SYT1: variants seen among roughly 807,000 people sequenced by gnomAD.
SYT1 encodes the protein synaptotagmin-1.
SYT1 carries 8 observed loss-of-function variants against 44.8 expected under a neutral mutation model. That is an observed-to-expected ratio of 0.18 (90% CI 0.10 to 0.32). The LOEUF (loss-of-function observed/expected upper bound fraction) is 0.32. Among genes scored for constraint, SYT1 ranks in the 10% least tolerant of loss-of-function variants. SYT1 has a pLI of 1.00. For missense variants in SYT1, 286 were observed against 509.3 expected, an observed-to-expected ratio of 0.56 and a Z score of 4.22; for synonymous variants, 154 against 188.8, an observed-to-expected ratio of 0.82 and a Z score of 1.51.
intron 1 of SYT1, among the ~76,000 whole-genome samples, chr12:78,968,199 T>C (rs1868293557): frequency 6.6e-6 from 1 of 152,132 alleles, no homozygotes; most frequent in African/African-American, 2.4e-5. Flanking sequence ...AACATACTTG[T>C]GAACCAGTAG....
chr12:79,025,231 G>GA (rs1397234575), intron 2 of SYT1, among the ~76,000 whole-genome samples: 1 of 151,682 alleles, frequency 6.6e-6, no homozygotes, highest in African/African-American at 2.4e-5. Flanking sequence ...CTGGAGGCAA[G>GA]AAAAAAATTA....
chr12:79,161,075 A>T (rs927178810), intron 3 of SYT1, among the ~76,000 whole-genome samples: 2 of 152,020 alleles, frequency 1.3e-5, no homozygotes, highest in Non-Finnish European at 2.9e-5. Flanking sequence ...TCTATTTTTT[A>T]AAAAACACAA....
intron 9 of SYT1, among the ~76,000 whole-genome samples, chr12:79,383,845 A>G (rs1447767085): frequency 6.6e-6 from 1 of 152,182 alleles, no homozygotes; most frequent in Non-Finnish European, 1.5e-5. Context: ...TATTATTTTG[A>G]TGAGCTAACA....
At chr12:79,013,218 G>A (rs1871536823) in intron 2 of SYT1, among the ~76,000 whole-genome samples, 1 of 151,654 alleles carries the variant, frequency 6.6e-6, no homozygotes, top group Non-Finnish European at 1.5e-5. Context: ...TAGACTGAAT[G>A]CAGGGATTGT....
chr12:79,008,115 G>C (rs1871205330), intron 2 of SYT1, among the ~76,000 whole-genome samples: 1 of 152,086 alleles, frequency 6.6e-6, no homozygotes, highest in African/African-American at 2.4e-5. Context: ...TGACTTGGGA[G>C]TAGAAGGTCC....
intron 2 of SYT1, among the ~76,000 whole-genome samples, chr12:79,043,143 C>T (rs1159325815): frequency 2.1e-4 from 32 of 150,654 alleles, no homozygotes; most frequent in South Asian, 8.5e-4. Flanking sequence ...CTATTAGGTC[C>T]GCTTGGTGCA....
At chr12:79,121,176 C>A (rs1879582657) in intron 3 of SYT1, among the ~76,000 whole-genome samples, 1 of 151,976 alleles carries the variant, frequency 6.6e-6, no homozygotes, top group South Asian at 2.1e-4. Flanking sequence ...TCTCCTCTGG[C>A]AAACCCATTT....
chr12:79,210,767 A>G (rs1387786464), intron 3 of SYT1, among the ~76,000 whole-genome samples: 1 of 152,206 alleles, frequency 6.6e-6, no homozygotes, highest in Non-Finnish European at 1.5e-5. Context: ...GGTACCCAGT[A>G]ATGAGATTGC....
chr12:79,267,495 A>G (rs557748462), intron 4 of SYT1, among the ~76,000 whole-genome samples: 3 of 152,326 alleles, frequency 2.0e-5, no homozygotes, highest in East Asian at 1.9e-4. Flanking sequence ...AAAGTTGAAA[A>G]GAAAGTTAGC....
intron 1 of SYT1, among the ~76,000 whole-genome samples, chr12:78,894,630 A>G (rs1875254084): frequency 6.6e-6 from 1 of 151,636 alleles, no homozygotes; most frequent in Non-Finnish European, 1.5e-5. Flanking sequence ...ACTCATTATG[A>G]GCTAGTTCTT....
chr12:79,320,056 C>T (rs910868683), intron 8 of SYT1, among the ~76,000 whole-genome samples: 1 of 152,010 alleles, frequency 6.6e-6, no homozygotes, highest in Non-Finnish European at 1.5e-5. Context: ...TTTTCTAAGC[C>T]CTTGTGTTTC....
At chr12:79,164,907 A>G (rs967707354) in intron 3 of SYT1, among the ~76,000 whole-genome samples, 1 of 152,062 alleles carries the variant, frequency 6.6e-6, no homozygotes, top group Non-Finnish European at 1.5e-5. Flanking sequence ...ACTTTGATAT[A>G]AAGTAAAAGG....
chr12:78,983,352 C>G (rs749349164), intron 2 of SYT1, among the ~76,000 whole-genome samples: 13 of 151,974 alleles, frequency 8.6e-5, no homozygotes, highest in Non-Finnish European at 1.6e-4. Context: ...ACCTCACAGC[C>G]CAGGCCTCAA....
intron 1 of SYT1, among the ~76,000 whole-genome samples, chr12:78,930,026 G>A (rs894830005): frequency 6.6e-6 from 1 of 152,056 alleles, no homozygotes; most frequent in African/African-American, 2.4e-5. Flanking sequence ...GAAGAGTTAT[G>A]GAGAAAGAGG....
intron 4 of SYT1, among the ~76,000 whole-genome samples, chr12:79,274,182 G>C (rs1222434481): frequency 2.0e-5 from 3 of 152,248 alleles, no homozygotes; most frequent in Admixed American, 2.0e-4. Flanking sequence ...AGCACAAGTG[G>C]GAAGTGTGCT....
At chr12:79,092,830 T>G (rs1877871129) in intron 3 of SYT1, among the ~76,000 whole-genome samples, 1 of 151,734 alleles carries the variant, frequency 6.6e-6, no homozygotes, top group African/African-American at 2.4e-5. Context: ...AAAACCACTG[T>G]CTGTCAATGA....
chr12:78,876,844 A>ACATG, intron 1 of SYT1, among the ~76,000 whole-genome samples: 1 of 71,682 alleles, frequency 1.4e-5, no homozygotes, highest in East Asian at 4.1e-4. Context: ...TATATATAAT[A>ACATG]TATATTATAT....
At chr12:78,874,433 T>A (rs1873964317) in intron 1 of SYT1, among the ~76,000 whole-genome samples, 1 of 151,490 alleles carries the variant, frequency 6.6e-6, no homozygotes, top group Admixed American at 6.6e-5. Context: ...GGCAATAGGA[T>A]AAAAGTATGA....
At chr12:79,149,433 TAAAATG>T (rs1404058407) in intron 3 of SYT1, among the ~76,000 whole-genome samples, 1 of 152,194 alleles carries the variant, frequency 6.6e-6, no homozygotes, top group Non-Finnish European at 1.5e-5. Flanking sequence ...GTTCTATAAC[TAAAATG>T]AATCATTTGC....
Sources: gnomAD v4.1 joint callset for allele counts (sites outside exome capture counted in the v4.1 genomes callset) on GRCh38, gnomAD v4.1.1 for gene constraint, MANE v1.5 for transcripts, NCBI Gene and HGNC (gene_info 2026-07-23, HGNC 2026-07-21) for gene names.